Variants in C9orf153 observed in about 807,000 individuals in gnomAD.
C9orf153 encodes chromosome 9 open reading frame 153, also known as uncharacterized protein C9orf153.
In C9orf153, 10 loss-of-function variants were observed where a neutral mutation model predicts 9.0. The ratio of observed to expected loss-of-function variants is 1.11; its 90% confidence interval spans 0.69 to 1.89. C9orf153 has a LOEUF of 1.89. Among genes scored for constraint, C9orf153 ranks in the 40% most tolerant of loss-of-function variants. C9orf153 has a pLI of 0.00. For missense variants in C9orf153, 108 were observed against 111.0 expected, an observed-to-expected ratio of 0.97 and a Z score of 0.12; for synonymous variants, 35 against 37.3, an observed-to-expected ratio of 0.94 and a Z score of 0.23.
chr9:86,248,281 C>T (rs909960589), intron 1 of C9orf153, among the ~76,000 whole-genome samples: 3 of 151,906 alleles, frequency 2.0e-5, no homozygotes, highest in Non-Finnish European at 4.4e-5. Flanking sequence ...TTACAGGTGC[C>T]TGCCACCACC....
intron 1 of C9orf153, among the ~76,000 whole-genome samples, chr9:86,247,598 T>C (rs1445983973): frequency 1.3e-5 from 2 of 152,268 alleles, no homozygotes; most frequent in Non-Finnish European, 2.9e-5. Flanking sequence ...GAGGATCCAC[T>C]GAGCCCCGGA....
intron 1 of C9orf153, among the ~76,000 whole-genome samples, chr9:86,233,683 C>T (rs1361391506): frequency 1.3e-5 from 2 of 149,756 alleles, no homozygotes; most frequent in East Asian, 3.8e-4. Context: ...TCCTAAAGTG[C>T]TGGTATTACA....
chr9:86,248,222 C>T (rs769291912), intron 1 of C9orf153, among the ~76,000 whole-genome samples: 1 of 150,854 alleles, frequency 6.6e-6, no homozygotes. Flanking sequence ...CAACCTCCAC[C>T]TCTTGGGTTC....
intron 3 of C9orf153, among the ~76,000 whole-genome samples, chr9:86,223,742 T>C (rs564742963): frequency 4.1e-4 from 63 of 152,268 alleles, no homozygotes; most frequent in Non-Finnish European, 7.9e-4. Context: ...TGGCTCTTCA[T>C]CCTATCCCAC....
At chr9:86,248,606 A>T (rs2131202092) in intron 1 of C9orf153, among the ~76,000 whole-genome samples, 1 of 152,262 alleles carries the variant, frequency 6.6e-6, no homozygotes, top group South Asian at 2.1e-4. Flanking sequence ...TTACACATTC[A>T]CACAACTCCT....
At chr9:86,226,879 C>T (rs1288470822) in intron 3 of C9orf153, among the ~76,000 whole-genome samples, 1 of 152,260 alleles carries the variant, frequency 6.6e-6, no homozygotes, top group East Asian at 1.9e-4. Context: ...ATTCTCCTGC[C>T]TCAGCCTCCC....
intron 3 of C9orf153, among the ~76,000 whole-genome samples, chr9:86,223,737 C>T (rs1413267712): frequency 1.3e-5 from 2 of 152,138 alleles, no homozygotes; most frequent in Non-Finnish European, 2.9e-5. Flanking sequence ...CAATGTGGCT[C>T]TTCATCCTAT....
chr9:86,243,266 T>C (rs1052708845), intron 1 of C9orf153, among the ~76,000 whole-genome samples: 3 of 152,148 alleles, frequency 2.0e-5, no homozygotes, highest in Admixed American at 2.0e-4. Flanking sequence ...CTTTTCAAGA[T>C]AGAAAAGTGG....
intron 1 of C9orf153, among the ~76,000 whole-genome samples, chr9:86,256,597 T>C (rs569807393): frequency 6.6e-6 from 1 of 152,346 alleles, no homozygotes; most frequent in Admixed American, 6.5e-5. Context: ...TGACTACAAC[T>C]GTTTCATTTG....
intron 1 of C9orf153, among the ~76,000 whole-genome samples, chr9:86,254,823 A>C (rs914048308): frequency 2.0e-5 from 3 of 152,198 alleles, no homozygotes; most frequent in African/African-American, 7.2e-5. Flanking sequence ...GTGGAAGGCC[A>C]ACATGGGTGG....
chr9:86,239,831 T>C (rs1824692262), intron 1 of C9orf153, among the ~76,000 whole-genome samples: 1 of 152,208 alleles, frequency 6.6e-6, no homozygotes, highest in African/African-American at 2.4e-5. Flanking sequence ...AGTTACATTG[T>C]GATCTGCTTG....
chr9:86,247,422 C>A (rs1824893939), intron 1 of C9orf153, among the ~76,000 whole-genome samples: 1 of 152,176 alleles, frequency 6.6e-6, no homozygotes, highest in Non-Finnish European at 1.5e-5. Context: ...TGGCTCACAT[C>A]TGTAATCCCA....
chr9:86,229,895 T>TG (rs1245721787), intron 1 of C9orf153, among the ~76,000 whole-genome samples: 2 of 152,006 alleles, frequency 1.3e-5, no homozygotes, highest in South Asian at 2.1e-4. Context: ...TTACAATTAT[T>TG]GGGGGAAGGC....
chr9:86,234,824 C>T (rs182519144), intron 1 of C9orf153, among the ~76,000 whole-genome samples: 23 of 152,288 alleles, frequency 1.5e-4, no homozygotes, highest in Admixed American at 1.4e-3. Context: ...AACTTGTATA[C>T]AGATGTACAA....
intron 3 of C9orf153, among the ~76,000 whole-genome samples, chr9:86,223,833 A>T (rs1824258496): frequency 6.6e-6 from 1 of 152,218 alleles, no homozygotes; most frequent in Admixed American, 6.5e-5. Flanking sequence ...ACACACAAAA[A>T]AATGGCAGAG....
chr9:86,237,846 A>T (rs1186680751), intron 1 of C9orf153, among the ~76,000 whole-genome samples: 1 of 152,174 alleles, frequency 6.6e-6, no homozygotes, highest in Admixed American at 6.5e-5. Flanking sequence ...TAGGAGGCTG[A>T]GGTGGGCAGA....
In C9orf153 at chr9:86,221,424, C is replaced by A. The variant is rs1206599722; in HGVS notation, c.*264G>T. 2 of 668,484 alleles carry A rather than the reference C, an allele frequency of 3.0e-6. No homozygotes were observed. The highest frequency in any genetic ancestry group is 1.9e-5 in the African/African-American group (1 of 53,042). 41.4% of individuals were successfully genotyped at this position (668,484 alleles called of 1,614,324 possible). ...TTCAGATGTTCTATTGGGTACTTGG[C>A]TTCTTTACTTTTTGTGTATTAAATC... On this transcript the variant is annotated 3_prime_UTR_variant, in exon 4 of 4. Coordinates refer to ENST00000339137, the MANE Select transcript of C9orf153 (RefSeq NM_001276366.4).
At chr9:86,256,665 A>T (rs1029743431) in intron 1 of C9orf153, among the ~76,000 whole-genome samples, 6 of 152,244 alleles carry the variant, frequency 3.9e-5, no homozygotes, top group African/African-American at 1.4e-4. Context: ...AATTTATCAG[A>T]GAGACAGGAG....
intron 1 of C9orf153, among the ~76,000 whole-genome samples, chr9:86,239,050 A>G (rs750936843): frequency 2.6e-5 from 4 of 151,942 alleles, no homozygotes; most frequent in Non-Finnish European, 5.9e-5. Context: ...TCTCGAGGTC[A>G]GGAGATTGAG....
Sources: gnomAD v4.1 joint callset for allele counts (sites outside exome capture counted in the v4.1 genomes callset) on GRCh38, gnomAD v4.1.1 for gene constraint, MANE v1.5 for transcripts, NCBI Gene and HGNC (gene_info 2026-07-23, HGNC 2026-07-21) for gene names.